The following SLC36A1 variants were observed in gnomAD, a reference collection of about 807,000 sequenced individuals.
The protein encoded by SLC36A1 is solute carrier family 36 member 1, also known as proton-coupled amino acid transporter 1.
SLC36A1 carries 30 observed loss-of-function variants against 47.5 expected under a neutral mutation model. That is an observed-to-expected ratio of 0.63 (90% CI 0.47 to 0.86). The LOEUF is 0.86. Ranked by LOEUF, SLC36A1 falls within the 40% of genes least tolerant of loss-of-function variation. The pLI, the probability that SLC36A1 is intolerant of heterozygous loss-of-function variation, is 0.00. For synonymous variants in SLC36A1, 255 were observed against 249.7 expected, an observed-to-expected ratio of 1.02 and a Z score of -0.20; for missense variants, 517 against 606.0, an observed-to-expected ratio of 0.85 and a Z score of 1.54.
chr5:151,460,963 A>G (rs1470875166), intron 2 of SLC36A1, among the ~76,000 whole-genome samples: 3 of 151,382 alleles, frequency 2.0e-5, no homozygotes, highest in Non-Finnish European at 1.5e-5. Flanking sequence ...AGGAACCCCA[A>G]ACACTTCCAT....
the SLC36A1 span, chr5:151,527,914 C>T: frequency 6.5e-7 from 1 of 1,538,614 alleles, no homozygotes; most frequent in Non-Finnish European, 8.8e-7. Context: ...GGGGTCTTGA[C>T]AGCGATTCAT....
At chr5:151,471,210 G>A (rs552768466) in intron 7 of SLC36A1, among the ~76,000 whole-genome samples, 5 of 152,308 alleles carry the variant, frequency 3.3e-5, no homozygotes, top group East Asian at 3.9e-4. Context: ...GGAAGTGACT[G>A]TACGTCATTT....
the SLC36A1 span, among the ~76,000 whole-genome samples, chr5:151,400,103 A>C: frequency 6.6e-6 from 1 of 152,168 alleles, no homozygotes; most frequent in Non-Finnish European, 1.5e-5. Context: ...GAACGATCCC[A>C]TAACCCAGGT....
chr5:151,442,428 A>G (rs1752680852), intron 1 of SLC36A1, among the ~76,000 whole-genome samples: 1 of 152,204 alleles, frequency 6.6e-6, no homozygotes. Flanking sequence ...ACAGTGATGT[A>G]TACAATGTAC....
intron 8 of SLC36A1, among the ~76,000 whole-genome samples, chr5:151,474,159 CAAAA>C (rs1156305401): frequency 1.7e-5 from 1 of 59,954 alleles, no homozygotes. Flanking sequence ...GACTCTGTCT[CAAAA>C]AAAAAAAAAA....
the SLC36A1 span, among the ~76,000 whole-genome samples, chr5:151,409,344 G>A: frequency 2.4e-4 from 36 of 152,206 alleles, no homozygotes; most frequent in East Asian, 7.0e-3. Context: ...CAGGCAGGAG[G>A]GCCCTCAGGA....
the SLC36A1 span, among the ~76,000 whole-genome samples, chr5:151,432,034 C>T: frequency 6.6e-6 from 1 of 152,154 alleles, no homozygotes; most frequent in Non-Finnish European, 1.5e-5. Context: ...TGGGCTTCTC[C>T]ACCGCACACA....
intron 10 of SLC36A1, among the ~76,000 whole-genome samples, chr5:151,481,836 T>C (rs1758841319): frequency 6.6e-6 from 1 of 152,212 alleles, no homozygotes; most frequent in Non-Finnish European, 1.5e-5. Context: ...CCAGCCCATA[T>C]TTTTGGAAAT....
the SLC36A1 span, among the ~76,000 whole-genome samples, chr5:151,530,788 G>C: frequency 6.6e-6 from 1 of 152,246 alleles, no homozygotes; most frequent in Non-Finnish European, 1.5e-5. Flanking sequence ...TTGGATGGAT[G>C]TAGGGGCCAA....
chr5:151,502,074 T>G, the SLC36A1 span, among the ~76,000 whole-genome samples: 98,616 of 147,214 alleles, frequency 0.67, 35,260 homozygotes, highest in African/African-American at 0.89. Context: ...CACTTTGGGA[T>G]GCGGAGGCGG....
At chr5:151,477,100 A>G (rs1758176426) in intron 9 of SLC36A1, 1 of 383,986 alleles carries the variant, frequency 2.6e-6, no homozygotes, top group African/African-American at 2.1e-5. Context: ...GATTCCCAGC[A>G]TCGGTTGTGC....
At chr5:151,454,056 G>A (rs1213495680) in intron 1 of SLC36A1, among the ~76,000 whole-genome samples, 2 of 148,248 alleles carry the variant, frequency 1.3e-5, no homozygotes, top group Admixed American at 1.3e-4. Context: ...GGAAAAAAAA[G>A]GAATGTTTTA....
upstream of SLC36A1, among the ~76,000 whole-genome samples, chr5:151,433,726 A>G (rs571561744): frequency 1.2e-4 from 19 of 152,108 alleles, no homozygotes; most frequent in Non-Finnish European, 2.2e-4. Context: ...CTACAGCTTC[A>G]CTCCCACGGG....
upstream of SLC36A1, among the ~76,000 whole-genome samples, chr5:151,443,498 C>T (rs768235165): frequency 7.9e-5 from 12 of 152,048 alleles, no homozygotes; most frequent in Non-Finnish European, 1.8e-4. Flanking sequence ...AGGTCCTTTG[C>T]CCATTTTTAA....
At chr5:151,449,672 A>G (rs1160126302) in intron 1 of SLC36A1, among the ~76,000 whole-genome samples, 1 of 152,236 alleles carries the variant, frequency 6.6e-6, no homozygotes, top group Non-Finnish European at 1.5e-5. Flanking sequence ...TGAAAGTGCC[A>G]TAAGGGAAGG....
At chr5:151,409,567 C>T in the SLC36A1 span, among the ~76,000 whole-genome samples, 1 of 152,190 alleles carries the variant, frequency 6.6e-6, no homozygotes, top group African/African-American at 2.4e-5. Flanking sequence ...GAGCTTTTGA[C>T]TCAAAATGTG....
chr5:151,449,356 G>C (rs59566125), intron 1 of SLC36A1, among the ~76,000 whole-genome samples: 1 of 152,024 alleles, frequency 6.6e-6, no homozygotes, highest in African/African-American at 2.4e-5. Context: ...ACATGTTTTC[G>C]TTAAAAATGT....
chr5:151,508,064 A>T, the SLC36A1 span, among the ~76,000 whole-genome samples: 2 of 152,206 alleles, frequency 1.3e-5, no homozygotes, highest in Admixed American at 6.5e-5. Context: ...TGCACAGATC[A>T]GCCACCTTAC....
At chr5:151,530,912 A>G in the SLC36A1 span, among the ~76,000 whole-genome samples, 1 of 152,168 alleles carries the variant, frequency 6.6e-6, no homozygotes, top group Non-Finnish European at 1.5e-5. Flanking sequence ...TCTCCATGGT[A>G]AATTTTAAAA....
Sources: gnomAD v4.1 joint callset for allele counts (sites outside exome capture counted in the v4.1 genomes callset) on GRCh38, gnomAD v4.1.1 for gene constraint, MANE v1.5 for transcripts, NCBI Gene and HGNC (gene_info 2026-07-23, HGNC 2026-07-21) for gene names.